Variants in LYST observed in about 807,000 individuals in gnomAD.
LYST encodes the protein lysosomal trafficking regulator.
LYST carries 192 observed loss-of-function variants against 413.6 expected under a neutral mutation model. The ratio of observed to expected loss-of-function variants is 0.46; its 90% CI spans 0.41 to 0.52. The LOEUF (loss-of-function observed/expected upper bound fraction) is 0.52. LYST is among the 20% of genes least tolerant of loss of function. The probability of loss-of-function intolerance (pLI) is 0.00; values close to 1 mark genes in which losing one functional copy is unlikely to be tolerated. For missense variants in LYST, 3,815 were observed against 4,499.9 expected (o/e 0.85, Z 4.35); for synonymous variants, 1,525 against 1,567.3 (o/e 0.97, Z 0.64).
intron 6 of LYST, among the ~76,000 whole-genome samples, chr1:235,805,138 T>C (rs1156419750): frequency 6.6e-6 from 1 of 152,226 alleles, no homozygotes; most frequent in African/African-American, 2.4e-5. Flanking sequence ...TCCAGGTCCC[T>C]AGATTCCTTT....
At position 235,720,893 on chromosome 1, in the gene LYST, C is replaced by T. The variant is rs984723066; in HGVS notation, c.9328G>A (p.Val3110Ile). The T allele has an allele frequency of 2.5e-6, 4 of 1,613,604 alleles. No homozygotes were observed. In the Admixed American group the frequency reaches 6.7e-5, roughly 27 times the overall value. The change falls in exon 40 of 53, where the codon GTA becomes ATA. Residue 3110 changes from valine to isoleucine, a missense_variant. Physicochemically the swap from Val to Ile is conservative, Grantham distance 29. Around this residue, in one of 4 missense-constraint regions of LYST, gnomAD observed 866 missense variants for 1,156.0 expected, o/e 0.75. Coordinates refer to ENST00000389793, the MANE Select transcript of LYST (RefSeq NM_000081.4). ...TTATTTGTGAGTATATTGTGGTATA[C>T]ATCATCACGAACCTAAAAGGGAAGG... is the stretch of plus-strand genomic sequence containing the variant. ...AFDNTKVRDD[V>I]YHNILTNNLP...
At chr1:235,781,751 G>C (rs1308808714) in intron 15 of LYST, among the ~76,000 whole-genome samples, 176 bp downstream of exon 15, 3 of 151,968 alleles carry the variant, frequency 2.0e-5, no homozygotes. Flanking sequence ...TAGAATCTTG[G>C]AAATACAGTA....
intron 1 of LYST, among the ~76,000 whole-genome samples, chr1:235,862,652 C>A (rs1030206237): frequency 6.6e-6 from 1 of 152,000 alleles, no homozygotes; most frequent in Non-Finnish European, 1.5e-5. Flanking sequence ...AAAAATTAGC[C>A]GGGCATGGTG....
In LYST at chr1:235,773,743, T is replaced by G. The variant is rs1668941823; in HGVS notation, c.5784+99A>C. On this transcript the variant is annotated intron_variant, in intron 19 of 52. Transcript: ENST00000389793. ...TGGACAACACTGTAAATGCACTTAA[T>G]GCCACTGAACTGAAACTTAAAAATG... The G allele has an allele frequency of 4.4e-6, 4 of 909,530 alleles. No homozygotes were observed. In the African/African-American group the frequency reaches 6.6e-5, roughly 15 times the overall value. The allele number at this position is 909,530 out of a possible 1,614,324, so 56.3% of individuals were successfully genotyped here.
At chr1:235,692,125 G>A (rs1164992277) in intron 47 of LYST, among the ~76,000 whole-genome samples, 5 of 149,686 alleles carry the variant, frequency 3.3e-5, no homozygotes, top group African/African-American at 1.2e-4. Context: ...CTGAGGTCAG[G>A]AGTTCGAGAC....
At chr1:235,843,529 T>G (rs1478089724) in intron 1 of LYST, among the ~76,000 whole-genome samples, 4 of 152,128 alleles carry the variant, frequency 2.6e-5, no homozygotes, top group African/African-American at 9.7e-5. Flanking sequence ...GTTGACAAAT[T>G]TTATAGCTCT....
intron 50 of LYST, among the ~76,000 whole-genome samples, chr1:235,670,755 G>A (rs1658871736): frequency 6.6e-6 from 1 of 152,204 alleles, no homozygotes; most frequent in Admixed American, 6.5e-5. Flanking sequence ...AAGCGAGTGT[G>A]GAGTAAAGTA....
At chr1:235,819,501 G>C (rs1558297950) in intron 3 of LYST, among the ~76,000 whole-genome samples, 1 of 152,180 alleles carries the variant, frequency 6.6e-6, no homozygotes, top group Non-Finnish European at 1.5e-5. Context: ...CCAGGGGAAT[G>C]AGGTGTTCCC....
intron 48 of LYST, among the ~76,000 whole-genome samples, chr1:235,678,603 A>G (rs944981387): frequency 6.6e-6 from 1 of 152,222 alleles, no homozygotes; most frequent in Non-Finnish European, 1.5e-5. Flanking sequence ...AAGAATAAGT[A>G]TAATAAAGAG....
At chr1:235,712,842 A>T in intron 42 of LYST, 1 of 985,158 alleles carries the variant, frequency 1.0e-6, no homozygotes, top group South Asian at 4.7e-5. Context: ...TTAATAATAA[A>T]GAATTAAGTT....
At chr1:235,694,816 G>A (rs766407725) in intron 46 of LYST, among the ~76,000 whole-genome samples, 8 of 151,922 alleles carry the variant, frequency 5.3e-5, no homozygotes, top group Non-Finnish European at 1.0e-4. Context: ...TCTCATTCCA[G>A]TACCACAAGA....
chr1:235,774,935 A>G lies in LYST; in HGVS notation c.5612T>C (p.Ile1871Thr), dbSNP rs559869925. The G allele has an allele frequency of 3.0e-4, 487 of 1,609,492 alleles. 7 individuals are homozygous for G. In the South Asian group the frequency reaches 4.9e-3, roughly 16 times the overall value. ...TACCTTCAAAATGTAAAACCCAACAATGCATTTTTGTTTGATCAACACCTG... is the reference window on the plus strand; with the variant it reads ...TACCTTCAAAATGTAAAACCCAACAGTGCATTTTTGTTTGATCAACACCTG... Reference protein sequence around the residue: ...IHQVLIKQKCIVGFYILKTLL... With the variant: ...IHQVLIKQKCTVGFYILKTLL... The change falls in exon 18 of 53, where the codon ATT (isoleucine) becomes ACT (threonine). Residue 1871 changes from isoleucine (I) to threonine (T), a missense_variant. Ile to Thr is a moderately conservative substitution (Grantham distance 89). Transcript: ENST00000389793.
intron 46 of LYST, among the ~76,000 whole-genome samples, chr1:235,695,399 T>C (rs1661010624): frequency 6.6e-6 from 1 of 152,226 alleles, no homozygotes; most frequent in African/African-American, 2.4e-5. Context: ...TCTATTAAAC[T>C]ACTGCTCTGG....
intron 44 of LYST, 58 bp downstream of exon 44, chr1:235,709,033 T>C: frequency 6.7e-7 from 1 of 1,499,574 alleles, no homozygotes; most frequent in South Asian, 1.1e-5. Flanking sequence ...ACAACTAACC[T>C]TAAAATATTC....
At chr1:235,762,179 G>C (rs1158821083) in intron 22 of LYST, among the ~76,000 whole-genome samples, 1 of 152,106 alleles carries the variant, frequency 6.6e-6, no homozygotes, top group East Asian at 1.9e-4. Flanking sequence ...AGCCATGATT[G>C]TACAGTATTT....
chr1:235,725,564 C>T (rs1309534342), intron 38 of LYST, among the ~76,000 whole-genome samples: 4 of 152,190 alleles, frequency 2.6e-5, no homozygotes, highest in Non-Finnish European at 4.4e-5. Context: ...GGCCTGCCAT[C>T]ATATAGATTT....
chr1:235,686,842 A>G lies in LYST; in HGVS notation c.10800+107T>C. On this transcript the variant is annotated intron_variant, in intron 48 of 52. Coordinates refer to ENST00000389793, the MANE Select transcript of LYST (RefSeq NM_000081.4). This position sits in a 1 kb window ranked among gnomAD's most constrained non-coding sequence, Gnocchi z 4.0. ...CCTAATGTAGGGAGAAGATTAAGGT[A>G]TAAACATTTTAAGTTAATCTTATGC... 4.7e-6 allele frequency: 4 copies of G among 860,136 alleles called. No homozygotes were observed. 53.3% of individuals were successfully genotyped at this position (860,136 alleles called of 1,614,324 possible).
Position 235,724,114 on chromosome 1 carries a change from T to C in LYST, c.9229A>G (p.Lys3077Glu), listed in dbSNP as rs1663633701. The change falls in exon 39 of 53, where the codon AAG becomes GAG. Residue 3077 changes from lysine (K) to glutamate (E), a missense_variant. By Grantham distance (56) the Lys-to-Glu change is moderately conservative. This residue lies in a region of LYST where 866 missense variants were observed against 1,156.0 expected (regional missense o/e 0.75). Coordinates refer to ENST00000389793, the MANE Select transcript of LYST (RefSeq NM_000081.4). ...WTYEEIKEVH[K>E]RWWQLRDNAV... ...TTATCTCTCAATTGCCACCAACGCT[T>C]GTGAACTTCTTTAATTTCTTCATAT... The C allele has an allele frequency of 6.2e-7, 1 of 1,613,522 alleles. No individual in the cohort carries two copies. Among genetic ancestry groups the C allele is most frequent in the African/African-American group, 1.3e-5 (1 of 74,910 alleles).
intron 38 of LYST, among the ~76,000 whole-genome samples, chr1:235,726,681 A>C (rs1663902459): frequency 6.6e-6 from 1 of 152,210 alleles, no homozygotes; most frequent in African/African-American, 2.4e-5. Context: ...TCTTTATTTA[A>C]ATATAAAACA....
Sources: gnomAD v4.1 joint callset for allele counts (sites outside exome capture counted in the v4.1 genomes callset) on GRCh38, gnomAD v4.1.1 for gene constraint, gnomAD v4.1.1 regional missense constraint, Gnocchi (gnomAD v3.1) non-coding constraint, MANE v1.5 for transcripts, NCBI Gene and HGNC (gene_info 2026-07-23, HGNC 2026-07-21) for gene names.